Variants in CTNNB1 observed in about 807,000 individuals in gnomAD.
CTNNB1 encodes the protein catenin beta-1.
Under a neutral mutation model 82.5 loss-of-function variants are expected in CTNNB1, and 6 were observed. That is an observed-to-expected ratio of 0.07 (90% confidence interval 0.04 to 0.14). The LOEUF (loss-of-function observed/expected upper bound fraction) is 0.14, where lower values mean the gene tolerates loss of function less well. Ranked by LOEUF, CTNNB1 falls within the 10% of genes least tolerant of loss-of-function variation. The pLI, the probability that CTNNB1 is intolerant of heterozygous loss-of-function variation, is 1.00. For missense variants in CTNNB1, 529 were observed against 980.4 expected (o/e 0.54, Z 6.15); for synonymous variants, 312 against 329.7 (o/e 0.95, Z 0.58).
intron 7 of CTNNB1, among the ~76,000 whole-genome samples, chr3:41,228,807 T>G (rs1015710661): frequency 6.6e-6 from 1 of 152,222 alleles, no homozygotes; most frequent in Non-Finnish European, 1.5e-5. Flanking sequence ...CCAGGTCTTA[T>G]GTCCAGAATG....
At chr3:41,210,080 T>G (rs1204138300) in intron 1 of CTNNB1, among the ~76,000 whole-genome samples, 1 of 152,220 alleles carries the variant, frequency 6.6e-6, no homozygotes, top group Non-Finnish European at 1.5e-5. Flanking sequence ...TGTACAGCTG[T>G]ACAAAAATTT....
rs2125620377 is a variant in CTNNB1, at chr3:41,225,073, A to G, written c.361A>G (p.Asn121Asp). Residue 121 changes from asparagine to aspartate, a missense_variant, in exon 4 of 15, where the codon AAT becomes GAT. Coordinates refer to ENST00000349496, the MANE Select transcript of CTNNB1 (RefSeq NM_001904.4). The surrounding 1 kb of genome is among the most constrained non-coding windows in gnomAD (Gnocchi z 5.3). Reference sequence around the variant, plus strand: ...ACAGTTTGATGCTGCTCATCCCACTAATGTCCAGCGTTTGGCTGAACCATC... The same window carrying G: ...ACAGTTTGATGCTGCTCATCCCACTGATGTCCAGCGTTTGGCTGAACCATC... ...STQFDAAHPT[N>D]VQRLAEPSQM... The G allele has an allele frequency of 6.2e-7, 1 of 1,614,072 alleles. No individual in the cohort carries two copies. Among genetic ancestry groups the G allele is most frequent in the Non-Finnish European group, 8.5e-7 (1 of 1,179,978 alleles).
At chr3:41,213,574 T>C (rs904177790) in intron 1 of CTNNB1, among the ~76,000 whole-genome samples, 1 of 152,232 alleles carries the variant, frequency 6.6e-6, no homozygotes, top group Non-Finnish European at 1.5e-5. Context: ...ATTTGTTGAA[T>C]GAAAGTCTGT....
intron 1 of CTNNB1, among the ~76,000 whole-genome samples, chr3:41,217,685 C>T (rs1339866447): frequency 6.6e-6 from 1 of 152,158 alleles, no homozygotes; most frequent in Non-Finnish European, 1.5e-5. Context: ...GCTAGTTTCA[C>T]CATATCCTTA....
intron 13 of CTNNB1, chr3:41,237,229 T>A (rs1406559320): frequency 6.0e-6 from 1 of 165,992 alleles, no homozygotes; most frequent in Non-Finnish European, 1.3e-5. Flanking sequence ...GGATTATGTT[T>A]GTTGAGTGAA....
Position 41,225,442 on chromosome 3 carries a change from A to G in CTNNB1, c.604A>G (p.Met202Val), listed in dbSNP as rs2125622826. ...GATGGTGTCTGCTATTGTACGTACC[A>G]TGCAGAATACAAATGATGTAGAAAC... ...PQMVSAIVRTMQNTNDVETAR... is the reference protein window; with the variant it reads ...PQMVSAIVRTVQNTNDVETAR... Residue 202 changes from methionine (M) to valine (V), a missense_variant, in exon 5 of 15, where the codon ATG (methionine) becomes GTG (valine). This residue lies in a region of CTNNB1 where 411 missense variants were observed against 776.4 expected (regional missense o/e 0.53). Coordinates refer to ENST00000349496, the MANE Select transcript of CTNNB1 (RefSeq NM_001904.4). This position sits in a 1 kb window ranked among gnomAD's most constrained non-coding sequence, Gnocchi z 5.3. 6.2e-7 allele frequency: 1 copy of G among 1,613,948 alleles called. No individual in the cohort carries two copies. Among genetic ancestry groups the G allele is most frequent in the African/African-American group, 1.3e-5 (1 of 75,052 alleles).
chr3:41,210,957 A>T (rs2077769157), intron 1 of CTNNB1: 1 of 448,142 alleles, frequency 2.2e-6, no homozygotes. Context: ...TGCCTGGCTA[A>T]TTAAAAAAAA....
intron 13 of CTNNB1, chr3:41,236,916 AGTTGT>A: frequency 1.6e-6 from 1 of 625,096 alleles, no homozygotes; most frequent in South Asian, 2.0e-5. Flanking sequence ...ATTACAAATA[AGTTGT>A]GTTATTTAAA....
rs2125623472 is a variant in CTNNB1, at chr3:41,225,553, G to A, written c.715G>A (p.Ala239Thr). The A allele has an allele frequency of 6.2e-7, 1 of 1,614,116 alleles. No homozygotes were observed. Residue 239 changes from alanine to threonine, a missense_variant, in exon 5 of 15, where the codon GCC becomes ACC. Transcript: ENST00000349496. The surrounding 1 kb of genome is among the most constrained non-coding windows in gnomAD (Gnocchi z 5.3). Reference sequence around the variant, plus strand: ...CATCTTTAAGTCTGGAGGCATTCCTGCCCTGGTGAAAATGCTTGGGTAAGA... The same window carrying A: ...CATCTTTAAGTCTGGAGGCATTCCTACCCTGGTGAAAATGCTTGGGTAAGA... ...LAIFKSGGIP[A>T]LVKMLGSPVD...
At chr3:41,237,446 C>CCAAAAA (rs2078462864) in intron 13 of CTNNB1, 1 of 65,264 alleles carries the variant, frequency 1.5e-5, no homozygotes, top group Non-Finnish European at 2.6e-5. Context: ...GACTCCAACA[C>CCAAAAA]AAAAAAAAAA....
At chr3:41,220,987 A>G (rs531873578) in intron 1 of CTNNB1, 2 of 152,332 alleles carry the variant, frequency 1.3e-5, no homozygotes, top group East Asian at 3.9e-4. Context: ...CGGAAATAGC[A>G]CGGTGAATTT....
At chr3:41,220,163 A>G (rs2078008981) in intron 1 of CTNNB1, among the ~76,000 whole-genome samples, 1 of 152,006 alleles carries the variant, frequency 6.6e-6, no homozygotes, top group Admixed American at 6.6e-5. Flanking sequence ...GAAACATACT[A>G]ATTTTTCCCA....
At position 41,233,782 on chromosome 3, in the gene CTNNB1, T is replaced by C; in HGVS notation, c.1439T>C (p.Met480Thr). Residue 480 changes from methionine to threonine, a missense_variant, in exon 9 of 15, where the codon ATG (methionine) becomes ACG (threonine). By Grantham distance (81) the Met-to-Thr change is moderately conservative. This residue lies in a region of CTNNB1 where 411 missense variants were observed against 776.4 expected (regional missense o/e 0.53). Coordinates refer to ENST00000349496, the MANE Select transcript of CTNNB1 (RefSeq NM_001904.4). ...ACCAGCCGACACCAAGAAGCAGAGA[T>C]GGCCCAGAATGCAGTTCGCCTTCAC... Reference protein sequence around the residue: ...HLTSRHQEAEMAQNAVRLHYG... With the variant: ...HLTSRHQEAETAQNAVRLHYG... 1 of 1,612,966 alleles carries C rather than the reference T, an allele frequency of 6.2e-7. No individual in the cohort carries two copies. Among genetic ancestry groups the C allele is most frequent in the South Asian group, 1.1e-5 (1 of 91,022 alleles).
Position 41,214,045 on chromosome 3 carries a change from TAAC to T in CTNNB1, c.-48-9973_-48-9971del, listed in dbSNP as rs1236108301. Among the ~76,000 whole-genome samples the T allele has an allele frequency of 2.6e-5, 4 of 152,316 alleles. No individual in the cohort carries two copies. The East Asian group carries it at 7.7e-4, about 29-fold the overall frequency. ...AAAAGTTTAAGAATCTGTGTTGTCT[TAAC>T]AAATAGATGCTTCTCAAGGAGCTTA... On this transcript the variant is annotated intron_variant, in intron 1 of 14. Transcript: ENST00000349496.
chr3:41,213,750 T>G (rs2077851486), intron 1 of CTNNB1, among the ~76,000 whole-genome samples: 1 of 152,208 alleles, frequency 6.6e-6, no homozygotes, highest in African/African-American at 2.4e-5. Context: ...AGTTGGAGAT[T>G]ATGACTCATT....
intron 1 of CTNNB1, among the ~76,000 whole-genome samples, chr3:41,200,907 G>C (rs1048326096): frequency 1.3e-5 from 2 of 152,212 alleles, no homozygotes; most frequent in Non-Finnish European, 2.9e-5. Context: ...TGTGAGTGGT[G>C]AATGAAGAAA....
chr3:41,237,893 G>A (rs1225305340), intron 13 of CTNNB1, 123 bp from the exon 14 acceptor site: 2 of 807,084 alleles, frequency 2.5e-6, no homozygotes, highest in Non-Finnish European at 4.4e-6. Context: ...CTAAGCATTT[G>A]TGTAATGTTG....
intron 1 of CTNNB1, among the ~76,000 whole-genome samples, chr3:41,214,777 G>C (rs2077876769): frequency 6.7e-6 from 1 of 150,254 alleles, no homozygotes; most frequent in Non-Finnish European, 1.5e-5. Flanking sequence ...GTTTTGGATA[G>C]CTAAAAAAAA....
At chr3:41,218,166 G>A (rs1226983670) in intron 1 of CTNNB1, among the ~76,000 whole-genome samples, 1 of 151,952 alleles carries the variant, frequency 6.6e-6, no homozygotes, top group Non-Finnish European at 1.5e-5. Context: ...AATGATAGTT[G>A]GAATTACAAG....
Sources: allele counts gnomAD v4.1 joint callset (sites outside exome capture counted in the v4.1 genomes callset), GRCh38; gene constraint gnomAD v4.1.1; regional missense constraint gnomAD v4.1.1; non-coding constraint Gnocchi (gnomAD v3.1); transcripts MANE v1.5; gene names NCBI Gene and HGNC (gene_info 2026-07-23, HGNC 2026-07-21).